The following DNAJC5B variants were observed in gnomAD, a reference collection of about 807,000 sequenced individuals.
The protein encoded by DNAJC5B is DnaJ heat shock protein family (Hsp40) member C5 beta.
Under a neutral mutation model 24.7 loss-of-function variants are expected in DNAJC5B, and 23 were observed. The observed-to-expected ratio is 0.93, with a 90% CI of 0.67 to 1.32. The LOEUF (loss-of-function observed/expected upper bound fraction) is 1.32, where lower values mean the gene tolerates loss of function less well. DNAJC5B is among the 40% of genes most tolerant of loss of function. The pLI, the probability that DNAJC5B is intolerant of heterozygous loss-of-function variation, is 0.00. For synonymous variants in DNAJC5B, 101 were observed against 90.1 expected, an observed-to-expected ratio of 1.12 and a Z score of -0.68; for missense variants, 238 against 240.8, an observed-to-expected ratio of 0.99 and a Z score of 0.08.
In DNAJC5B at chr8:66,035,733, G is replaced by A. The variant is rs376765305; in HGVS notation, c.-141-7755G>A. On this transcript the variant is annotated intron_variant, in intron 1 of 5. Transcript: ENST00000276570. Reference sequence around the variant, plus strand: ...ACATTCCTGTTGCTTTAAGCCATGCGGTTTGTGGTACCTCGTTACGGCAGC... The same window carrying A: ...ACATTCCTGTTGCTTTAAGCCATGCAGTTTGTGGTACCTCGTTACGGCAGC... Among the ~76,000 whole-genome samples, 14 of 152,182 alleles carry A rather than the reference G, an allele frequency of 9.2e-5. No individual in the cohort carries two copies. In the East Asian group the frequency reaches 1.2e-3, roughly 13 times the overall value.
At chr8:66,038,109 G>T (rs1046208903) in intron 1 of DNAJC5B, among the ~76,000 whole-genome samples, 2 of 152,300 alleles carry the variant, frequency 1.3e-5, no homozygotes, top group East Asian at 3.9e-4. Flanking sequence ...GGATCAAAAA[G>T]GATATAATTG....
At position 66,090,571 on chromosome 8, in the gene DNAJC5B, C is replaced by T. The variant is rs369450753; in HGVS notation, c.506-9366C>T. Among the ~76,000 whole-genome samples the T allele has an allele frequency of 1.5e-4, 23 of 152,058 alleles. 1 individual carries two copies. In the East Asian group the frequency reaches 2.9e-3, roughly 19 times the overall value. On this transcript the variant is annotated intron_variant, in intron 5 of 5. Coordinates refer to ENST00000276570, the MANE Select transcript of DNAJC5B (RefSeq NM_033105.6). The stretch of plus-strand genomic sequence containing the variant: ...ACCTTGGATCTAAAAATGTGAGATT[C>T]GGTGCATAGAAAAATCTGTTGACTG...
chr8:66,065,735 C>T (rs942089390), intron 3 of DNAJC5B, among the ~76,000 whole-genome samples: 7 of 152,094 alleles, frequency 4.6e-5, no homozygotes, highest in Admixed American at 1.3e-4. Context: ...TTGGGTGCTT[C>T]GATATGGCTG....
chr8:66,071,291 A>C (rs566343190), intron 3 of DNAJC5B, among the ~76,000 whole-genome samples: 1 of 152,338 alleles, frequency 6.6e-6, no homozygotes, highest in East Asian at 1.9e-4. Context: ...AATTTTTTGC[A>C]ATCTATCCAT....
intron 2 of DNAJC5B, among the ~76,000 whole-genome samples, chr8:66,046,128 C>T (rs1339464439): frequency 6.6e-6 from 1 of 152,130 alleles, no homozygotes; most frequent in Non-Finnish European, 1.5e-5. Context: ...GAGGTTTTGA[C>T]CCAGAGACCA....
At position 66,082,065 on chromosome 8, in the gene DNAJC5B, T is replaced by C. The variant is rs143801903; in HGVS notation, c.505+1517T>C. Among the ~76,000 whole-genome samples the C allele has an allele frequency of 2.7e-3, 416 of 152,224 alleles. 2 individuals are homozygous for C. Among genetic ancestry groups the C allele is most frequent in the African/African-American group, 9.5e-3 (396 of 41,540 alleles). ...ACAACTTGCCTGAGAATGACAATCC[T>C]AGCATCTGAATCCTATCTGCTCTTG... On this transcript the variant is annotated intron_variant, in intron 5 of 5. Coordinates refer to ENST00000276570, the MANE Select transcript of DNAJC5B (RefSeq NM_033105.6).
chr8:66,088,496 A>G (rs1807777837), intron 5 of DNAJC5B, among the ~76,000 whole-genome samples: 1 of 152,068 alleles, frequency 6.6e-6, no homozygotes, highest in Non-Finnish European at 1.5e-5. Flanking sequence ...CAGAAAATGG[A>G]TTTTTCTTTT....
intron 5 of DNAJC5B, among the ~76,000 whole-genome samples, chr8:66,088,755 A>G (rs890586921): frequency 5.3e-5 from 8 of 152,058 alleles, no homozygotes; most frequent in African/African-American, 1.7e-4. Flanking sequence ...TGCATGAGTG[A>G]CCTTTGCTTC....
chr8:66,097,324 A>G (rs1807975476), intron 5 of DNAJC5B, among the ~76,000 whole-genome samples: 1 of 151,816 alleles, frequency 6.6e-6, no homozygotes, highest in Non-Finnish European at 1.5e-5. Flanking sequence ...AATTTATCAA[A>G]TGTACTTAAT....
At chr8:66,049,258 A>C (rs1158063204) in intron 2 of DNAJC5B, among the ~76,000 whole-genome samples, 1 of 152,242 alleles carries the variant, frequency 6.6e-6, no homozygotes, top group Non-Finnish European at 1.5e-5. Flanking sequence ...TGTCTGTGAC[A>C]ATGCTGGTGT....
intron 3 of DNAJC5B, among the ~76,000 whole-genome samples, chr8:66,059,740 A>G (rs940390867): frequency 2.4e-4 from 37 of 152,154 alleles, no homozygotes; most frequent in Admixed American, 9.8e-4. Context: ...CCACCAAGCC[A>G]TGTTGCCACC....
chr8:66,026,331 G>T (rs984850411), intron 1 of DNAJC5B, among the ~76,000 whole-genome samples: 1 of 152,228 alleles, frequency 6.6e-6, no homozygotes, highest in South Asian at 2.1e-4. Flanking sequence ...GGGCTGAGAC[G>T]ATGGGGTTTT....
At chr8:66,094,457 T>C (rs758860679) in intron 5 of DNAJC5B, among the ~76,000 whole-genome samples, 7 of 152,086 alleles carry the variant, frequency 4.6e-5, no homozygotes, top group Non-Finnish European at 7.4e-5. Context: ...CATATAGAAA[T>C]GTACTTTTAA....
intron 1 of DNAJC5B, among the ~76,000 whole-genome samples, chr8:66,042,958 A>G (rs147475753): frequency 6.6e-6 from 1 of 152,068 alleles, no homozygotes; most frequent in African/African-American, 2.4e-5. Flanking sequence ...CACCTGTCTC[A>G]TGTAAAACTT....
chr8:66,032,608 C>T (rs78725254), intron 1 of DNAJC5B, among the ~76,000 whole-genome samples: 1,529 of 152,204 alleles, frequency 0.01, 28 homozygotes, highest in African/African-American at 0.033. Flanking sequence ...CCCTAGGTTG[C>T]CTTAAATGGC....
chr8:66,081,321 C>G (rs1291123545), intron 5 of DNAJC5B, among the ~76,000 whole-genome samples: 1 of 152,160 alleles, frequency 6.6e-6, no homozygotes, highest in Non-Finnish European at 1.5e-5. Flanking sequence ...TTGTCCTGCT[C>G]CACCTTACAG....
chr8:66,099,812 A>G, intron 5 of DNAJC5B, 125 bp from the exon 6 acceptor site: 1 of 761,604 alleles, frequency 1.3e-6, no homozygotes, highest in Non-Finnish European at 2.2e-6. Context: ...TGGTAGGTAT[A>G]TTGATATCTT....
At chr8:66,033,770 CTTTTTTTT>C (rs765814272) in intron 1 of DNAJC5B, among the ~76,000 whole-genome samples, 6 of 105,392 alleles carry the variant, frequency 5.7e-5, no homozygotes, top group South Asian at 3.2e-4. Context: ...GATCATTCCG[CTTTTTTTT>C]TTTTTTTTTT....
At chr8:66,049,374 A>C (rs576724710) in intron 2 of DNAJC5B, among the ~76,000 whole-genome samples, 20 of 152,194 alleles carry the variant, frequency 1.3e-4, no homozygotes, top group Non-Finnish European at 2.8e-4. Context: ...CAGTCCTTTG[A>C]GCTCCATTTG....
Sources: gnomAD v4.1 joint callset for allele counts (sites outside exome capture counted in the v4.1 genomes callset) on GRCh38, gnomAD v4.1.1 for gene constraint, MANE v1.5 for transcripts, NCBI Gene and HGNC (gene_info 2026-07-23, HGNC 2026-07-21) for gene names.